The following NOSIP variants were observed in gnomAD, a reference collection of about 807,000 sequenced individuals.
NOSIP encodes nitric oxide synthase-interacting protein.
A neutral mutation model predicts 36.4 loss-of-function variants in NOSIP; 25 were observed. The observed-to-expected ratio is 0.69, with a 90% CI of 0.50 to 0.96. The LOEUF (loss-of-function observed/expected upper bound fraction) is 0.96. Among genes scored for constraint, NOSIP ranks in the 40% least tolerant of loss-of-function variants. The pLI is 0.00. For missense variants in NOSIP, 370 were observed against 429.0 expected, an observed-to-expected ratio of 0.86 and a Z score of 1.21; for synonymous variants, 187 against 179.2, an observed-to-expected ratio of 1.04 and a Z score of -0.35.
intron 1 of NOSIP, among the ~76,000 whole-genome samples, chr19:49,577,195 C>G (rs1445255986): frequency 1.3e-5 from 2 of 152,146 alleles, no homozygotes; most frequent in Non-Finnish European, 2.9e-5. Context: ...CTGGAAAAGT[C>G]ACAGTTTCTC....
chr19:49,579,758 C>A (rs1032205717), intron 1 of NOSIP, among the ~76,000 whole-genome samples: 1 of 152,030 alleles, frequency 6.6e-6, no homozygotes, highest in Non-Finnish European at 1.5e-5. Flanking sequence ...ATGATGCCTA[C>A]GATTTGTTTT....
At position 49,556,935 on chromosome 19, in the gene NOSIP, C is replaced by T. The variant is rs1023867818; in HGVS notation, c.477G>A (p.Leu159=). The part of the protein sequence containing the change: ...GPPSKDKDKV[L]PSFWIPSLTP... ...TCAGCGACGGGATCCAGAAGCTGGG[C>T]AGCACTTTGTCCTTGTCCTTACTTG... Residue 159 remains leucine, a synonymous_variant, in exon 6 of 9, where the codon CTG becomes CTA. Transcript: ENST00000596358. 5.0e-6 allele frequency: 8 copies of T among 1,613,340 alleles called. No homozygotes were observed. The highest frequency in any genetic ancestry group is 5.9e-6 in the Non-Finnish European group (7 of 1,179,640).
At chr19:49,575,143 G>A (rs1203406640) in intron 1 of NOSIP, among the ~76,000 whole-genome samples, 22 of 152,046 alleles carry the variant, frequency 1.4e-4, no homozygotes, top group African/African-American at 3.4e-4. Flanking sequence ...GATTACAGGC[G>A]TGAGCCACTG....
chr19:49,575,648 G>T (rs761898984), intron 1 of NOSIP, among the ~76,000 whole-genome samples: 2 of 152,104 alleles, frequency 1.3e-5, no homozygotes, highest in African/African-American at 2.4e-5. Context: ...TAAATGTTTT[G>T]AACTTTGCAG....
rs772430481 is a variant in NOSIP at position 49,557,190 on chromosome 19, G to C, written c.318C>G (p.Ala106=). 67 of 1,606,962 alleles carry C rather than the reference G, an allele frequency of 4.2e-5. No homozygotes were observed. The highest frequency in any genetic ancestry group is 5.4e-5 in the Non-Finnish European group (63 of 1,177,260). ...GGAAGCCCCGCACATGGTCCTGCGA[G>C]GCCGCCCGCTGAAGCTCCTTCTGCT... ...REEQKELQRA[A]SQDHVRGFLE... is the part of the protein sequence containing the mutation. Residue 106 remains alanine (A), a synonymous_variant, in exon 5 of 9, where the codon GCC becomes GCG. Transcript: ENST00000596358.
chr19:49,565,770 A>AAAGG (rs113772423), intron 1 of NOSIP, among the ~76,000 whole-genome samples: 2,739 of 111,878 alleles, frequency 0.024, 135 homozygotes, highest in East Asian at 0.14. Flanking sequence ...AAGAAAAAAA[A>AAAGG]AAGAAAGAAA....
chr19:49,559,151 G>C, intron 3 of NOSIP, 173 bp from the exon 4 acceptor site: 1 of 631,778 alleles, frequency 1.6e-6, no homozygotes, highest in Non-Finnish European at 2.8e-6. Flanking sequence ...TTACTGCAGT[G>C]AAAGGATGCA....
At chr19:49,563,019 G>C (rs1180427073) in intron 1 of NOSIP, among the ~76,000 whole-genome samples, 1 of 152,158 alleles carries the variant, frequency 6.6e-6, no homozygotes, top group African/African-American at 2.4e-5. Context: ...GTAGCTGATG[G>C]AATCTAAATA....
intron 1 of NOSIP, among the ~76,000 whole-genome samples, chr19:49,572,451 C>T (rs920947237): frequency 7.3e-6 from 1 of 136,604 alleles, no homozygotes; most frequent in Non-Finnish European, 1.5e-5. Flanking sequence ...CGCTCTGTTG[C>T]CCAGTCTGGA....
rs890859385 is a variant in NOSIP at position 49,560,940 on chromosome 19, G to A, written c.-1-248C>T. ...TTAACAACAAAACTCTTTGTTTGGA[G>A]GTAAGAGGGTGAGAGACCAGAGTTC... On this transcript the variant is annotated intron_variant, in intron 1 of 8. Transcript: ENST00000596358. This position sits in a 1 kb window ranked among gnomAD's most constrained non-coding sequence, Gnocchi z 4.6. 2.6e-5 allele frequency among the ~76,000 whole-genome samples: 4 copies of A among 152,166 alleles called. No homozygotes were observed. Among genetic ancestry groups the A allele is most frequent in the Admixed American group, 1.3e-4 (2 of 15,258 alleles).
chr19:49,578,747 C>T (rs746284308), intron 1 of NOSIP, among the ~76,000 whole-genome samples: 2 of 150,000 alleles, frequency 1.3e-5, no homozygotes, highest in African/African-American at 2.5e-5. Flanking sequence ...CCCGGGTTCA[C>T]GCAATTCTCC....
intron 1 of NOSIP, among the ~76,000 whole-genome samples, chr19:49,565,582 C>G (rs2080395299): frequency 6.6e-6 from 1 of 151,508 alleles, no homozygotes; most frequent in Admixed American, 6.6e-5. Flanking sequence ...GACCCCATCT[C>G]TACAAAAAAA....
intron 6 of NOSIP, 58 bp from the exon 7 acceptor site, chr19:49,556,794 C>A: frequency 6.3e-7 from 1 of 1,592,928 alleles, no homozygotes; most frequent in Non-Finnish European, 8.6e-7. Context: ...GTGGAGAGCG[C>A]GTGGTCCCTG....
chr19:49,574,553 A>G (rs1213335915), intron 1 of NOSIP, among the ~76,000 whole-genome samples: 4 of 152,188 alleles, frequency 2.6e-5, no homozygotes, highest in Admixed American at 1.3e-4. Flanking sequence ...TCCAGCTGCC[A>G]TAACAAAACA....
intron 4 of NOSIP, chr19:49,558,631 A>G: frequency 2.2e-6 from 1 of 458,990 alleles, no homozygotes; most frequent in Non-Finnish European, 4.0e-6. Context: ...GAAAGTGGGC[A>G]TGTGTCAGAC....
Position 49,556,320 on chromosome 19 carries a change from C to T in NOSIP, c.831G>A (p.Gln277=). The change falls in exon 8 of 9, where the codon CAG becomes CAA. Residue 277 remains glutamine (Q), a synonymous_variant. Coordinates refer to ENST00000596358, the MANE Select transcript of NOSIP (RefSeq NM_001270960.2). ...KLTDRDIIVL[Q]RGGTGFAGSG... ...AGGGGAGGGGTGGGACTCTTACCCG[C>T]TGCAGCACGATGATGTCGCGGTCTG... 1 of 1,610,698 alleles carries T rather than the reference C, an allele frequency of 6.2e-7. No individual in the cohort carries two copies. The highest frequency in any genetic ancestry group is 8.5e-7 in the Non-Finnish European group (1 of 1,178,282).
Position 49,560,985 on chromosome 19 carries a change from A to AG in NOSIP, c.-1-294dup, listed in dbSNP as rs1411074357. On this transcript the variant is annotated intron_variant, in intron 1 of 8. Transcript: ENST00000596358. The surrounding 1 kb of genome is among the most constrained non-coding windows in gnomAD (Gnocchi z 4.6). Reference sequence around the variant, plus strand: ...GAGTTCAAATTCTAGCCACTACTTCAGATTAGCTAGGGTGGTGGCTGTGCC... The same window carrying AG: ...GAGTTCAAATTCTAGCCACTACTTCAGGATTAGCTAGGGTGGTGGCTGTGCC... 6.6e-6 allele frequency among the ~76,000 whole-genome samples: 1 copy of AG among 152,168 alleles called. No homozygotes were observed. The highest frequency in any genetic ancestry group is 1.9e-4 in the East Asian group (1 of 5,204).
At position 49,558,555 on chromosome 19, in the gene NOSIP, G is replaced by A. The variant is rs536696612; in HGVS notation, c.258+342C>T. On this transcript the variant is annotated intron_variant, in intron 4 of 8. Coordinates refer to ENST00000596358, the MANE Select transcript of NOSIP (RefSeq NM_001270960.2). Reference sequence around the variant, plus strand: ...ATTACAGGTGTGAGCCACCACCCCCGACCCATTTAGCATATCTTTACTAAG... The same window carrying A: ...ATTACAGGTGTGAGCCACCACCCCCAACCCATTTAGCATATCTTTACTAAG... 49 of 198,424 alleles carry A rather than the reference G, an allele frequency of 2.5e-4. No individual in the cohort carries two copies. In the South Asian group the frequency reaches 4.7e-3, roughly 19 times the overall value. The allele number at this position is 198,424 out of a possible 1,614,324, so 12.3% of individuals were successfully genotyped here. A position where few individuals can be genotyped will look rare whatever the true frequency, so the allele number is the denominator to read the frequency against.
Position 49,557,207 on chromosome 19 carries a change from CCTT to C in NOSIP, c.298_300del (p.Lys100del), listed in dbSNP as rs1317250203. ...TCCTGCGAGGCCGCCCGCTGAAGCT[CCTT>C]CTGCTCCTCGCGCCGGGTGCCCCGC... On this transcript the variant is annotated inframe_deletion, in exon 5 of 9. Coordinates refer to ENST00000596358, the MANE Select transcript of NOSIP (RefSeq NM_001270960.2). 6 of 1,602,884 alleles carry C rather than the reference CCTT, an allele frequency of 3.7e-6. No homozygotes were observed. The highest frequency in any genetic ancestry group is 1.1e-5 in the South Asian group (1 of 88,988).
Sources: gnomAD v4.1 joint callset for allele counts (sites outside exome capture counted in the v4.1 genomes callset) on GRCh38, gnomAD v4.1.1 for gene constraint, Gnocchi (gnomAD v3.1) non-coding constraint, MANE v1.5 for transcripts, NCBI Gene and HGNC (gene_info 2026-07-23, HGNC 2026-07-21) for gene names.